TMEM74: variants seen among roughly 807,000 people sequenced by gnomAD.
TMEM74 encodes the protein transmembrane protein 74.
Under a neutral mutation model 18.1 loss-of-function variants are expected in TMEM74, and 13 were observed. The ratio of observed to expected loss-of-function variants is 0.72; its 90% CI spans 0.47 to 1.14. The LOEUF (loss-of-function observed/expected upper bound fraction) is 1.14. TMEM74 is among the 50% of genes most tolerant of loss of function. The pLI, the probability that TMEM74 is intolerant of heterozygous loss-of-function variation, is 0.00. For missense variants in TMEM74, 372 were observed against 375.9 expected, an observed-to-expected ratio of 0.99 and a Z score of 0.09; for synonymous variants, 159 against 146.6, an observed-to-expected ratio of 1.08 and a Z score of -0.61.
At chr8:108,625,478 C>T (rs1015318821) in intron 2 of TMEM74, among the ~76,000 whole-genome samples, 2 of 151,998 alleles carry the variant, frequency 1.3e-5, no homozygotes, top group Admixed American at 6.6e-5. Context: ...AGTAGCTTTG[C>T]TCTTCCCTTC....
chr8:108,707,415 A>T (rs1238495992), intron 1 of TMEM74, among the ~76,000 whole-genome samples: 1 of 152,120 alleles, frequency 6.6e-6, no homozygotes, highest in Non-Finnish European at 1.5e-5. Context: ...TGGAAATCAC[A>T]TTCTAAAAAA....
chr8:108,735,607 T>C (rs1281846780), intron 1 of TMEM74, among the ~76,000 whole-genome samples: 1 of 152,238 alleles, frequency 6.6e-6, no homozygotes, highest in Non-Finnish European at 1.5e-5. Context: ...TAACCTCTTG[T>C]CCATCAATGG....
intron 2 of TMEM74, among the ~76,000 whole-genome samples, chr8:108,639,681 C>A (rs1017574669): frequency 6.6e-6 from 1 of 152,046 alleles, no homozygotes; most frequent in Admixed American, 6.6e-5. Context: ...ATAAATCTGA[C>A]CCCATATAAT....
chr8:108,784,021 A>G lies in TMEM74; in HGVS notation c.*160T>C. 1 of 592,728 alleles carries G rather than the reference A, an allele frequency of 1.7e-6. No homozygotes were observed. The highest frequency in any genetic ancestry group is 2.8e-6 in the Non-Finnish European group (1 of 351,734). 36.7% of individuals were successfully genotyped at this position (592,728 alleles called of 1,614,324 possible). A position where few individuals can be genotyped will look rare whatever the true frequency, so the allele number is the denominator to read the frequency against. ...ATACATCTTACATGGCTTTTCTTCT[A>G]AATAGAAGACACATAGAGAACAAAA... On this transcript the variant is annotated 3_prime_UTR_variant, in exon 2 of 2. Transcript: ENST00000297459.
intron 1 of TMEM74, among the ~76,000 whole-genome samples, chr8:108,756,599 AAAGGAAGGAAGGAAGG>A (rs200040254): frequency 3.9e-5 from 2 of 51,526 alleles, no homozygotes; most frequent in African/African-American, 2.2e-4. Flanking sequence ...AAAGAAAGAG[AAAGGAAGGAAGGAAGG>A]AAGGAAGGAA....
intron 1 of TMEM74, among the ~76,000 whole-genome samples, chr8:108,702,030 T>C (rs1471352536): frequency 6.6e-6 from 1 of 151,962 alleles, no homozygotes; most frequent in East Asian, 1.9e-4. Flanking sequence ...ATCAAGATCA[T>C]ATGGTTGGTA....
At chr8:108,668,236 T>A (rs1812968795) in intron 1 of TMEM74, among the ~76,000 whole-genome samples, 1 of 152,202 alleles carries the variant, frequency 6.6e-6, no homozygotes, top group South Asian at 2.1e-4. Context: ...TTTATAATTA[T>A]CCCTCTTTTA....
Position 108,723,252 on chromosome 8 carries a change from C to A in TMEM74, n.119+64224G>T, listed in dbSNP as rs57595726. Among the ~76,000 whole-genome samples the A allele has an allele frequency of 6.6e-5, 10 of 152,286 alleles. No individual in the cohort carries two copies. In the East Asian group the frequency reaches 1.9e-3, roughly 29 times the overall value. On this transcript the variant is annotated intron_variant and non_coding_transcript_variant, in intron 1 of 3. Coordinates refer to the TMEM74 transcript ENST00000518838. ...TCACTGCCATGTGATGTTATATATG[C>A]ATTTGTTAAATTCTGAAGCAGAACA... is the stretch of plus-strand genomic sequence containing the variant.
intron 1 of TMEM74, among the ~76,000 whole-genome samples, chr8:108,692,197 A>C: frequency 6.6e-6 from 1 of 152,324 alleles, no homozygotes; most frequent in East Asian, 1.9e-4. Flanking sequence ...GGATCACACT[A>C]TCTGCTGCCC....
intron 1 of TMEM74, among the ~76,000 whole-genome samples, chr8:108,661,806 G>A (rs1812902756): frequency 6.6e-6 from 1 of 152,048 alleles, no homozygotes; most frequent in African/African-American, 2.4e-5. Flanking sequence ...AATTAGCCAG[G>A]GAACAGGAGG....
intron 1 of TMEM74, among the ~76,000 whole-genome samples, chr8:108,743,944 T>C (rs556024608): frequency 6.6e-6 from 1 of 152,156 alleles, no homozygotes; most frequent in East Asian, 1.9e-4. Context: ...ATTTAGACAG[T>C]TTTTACCTAG....
At chr8:108,615,818 G>GTTTT (rs1563732679) in intron 2 of TMEM74, among the ~76,000 whole-genome samples, 1 of 96,376 alleles carries the variant, frequency 1.0e-5, no homozygotes, top group African/African-American at 3.8e-5. Flanking sequence ...TTGCATGGGA[G>GTTTT]CTTTTTTTTT....
At chr8:108,769,884 C>T (rs1340284925) in intron 1 of TMEM74, among the ~76,000 whole-genome samples, 2 of 151,496 alleles carry the variant, frequency 1.3e-5, no homozygotes, top group Non-Finnish European at 2.9e-5. Context: ...AACAGTCTCA[C>T]AAGAAGTGCT....
rs1360557530 is a variant in TMEM74 at position 108,782,369 on chromosome 8, T to A, written c.*1812A>T. Among the ~76,000 whole-genome samples, 1 of 152,228 alleles carries A rather than the reference T, an allele frequency of 6.6e-6. No homozygotes were observed. Among genetic ancestry groups the A allele is most frequent in the African/African-American group, 2.4e-5 (1 of 41,460 alleles). ...ATTCTTTCTTTTCAGTAATCAGTAT[T>A]GCTCTATAACATAAGGCAATTAACT... is the stretch of plus-strand genomic sequence containing the variant. On this transcript the variant is annotated 3_prime_UTR_variant, in exon 2 of 2. Coordinates refer to ENST00000297459, the MANE Select transcript of TMEM74 (RefSeq NM_153015.3).
At chr8:108,749,428 C>T (rs750151235) in intron 1 of TMEM74, among the ~76,000 whole-genome samples, 8 of 152,132 alleles carry the variant, frequency 5.3e-5, no homozygotes, top group Non-Finnish European at 1.0e-4. Context: ...AATGGGAGTT[C>T]ATACATGATT....
downstream of TMEM74, among the ~76,000 whole-genome samples, chr8:108,777,454 A>G (rs1814246297): frequency 6.6e-6 from 1 of 152,196 alleles, no homozygotes; most frequent in African/African-American, 2.4e-5. Context: ...AAGAAGTAGG[A>G]TGGCTGTGAG....
intron 1 of TMEM74, among the ~76,000 whole-genome samples, chr8:108,701,266 C>T (rs945561745): frequency 2.6e-5 from 4 of 151,446 alleles, no homozygotes; most frequent in African/African-American, 7.3e-5. Context: ...TAAAGAACAT[C>T]TGTAAAAACC....
At chr8:108,720,984 T>G (rs2012219) in intron 1 of TMEM74, among the ~76,000 whole-genome samples, 109,390 of 151,872 alleles carry the variant, frequency 0.72, 40,281 homozygotes, top group African/African-American at 0.87. Flanking sequence ...GGCCAGGCTG[T>G]TTTCAAACTC....
At chr8:108,670,888 A>G (rs1056107439) in intron 1 of TMEM74, among the ~76,000 whole-genome samples, 1 of 152,304 alleles carries the variant, frequency 6.6e-6, no homozygotes, top group African/African-American at 2.4e-5. Flanking sequence ...AAACTCCAAA[A>G]TCCCCATAAG....
Sources: allele counts gnomAD v4.1 joint callset (sites outside exome capture counted in the v4.1 genomes callset), GRCh38; gene constraint gnomAD v4.1.1; transcripts MANE v1.5; gene names NCBI Gene and HGNC (gene_info 2026-07-23, HGNC 2026-07-21).